The following QSOX2 variants were observed in gnomAD, a reference collection of about 807,000 sequenced individuals.
QSOX2 encodes sulfhydryl oxidase 2.
In QSOX2, 46 loss-of-function variants were observed where a neutral mutation model predicts 61.7. The ratio of observed to expected loss-of-function variants is 0.75; its 90% confidence interval spans 0.59 to 0.95. The LOEUF (loss-of-function observed/expected upper bound fraction) is 0.95. Ranked by LOEUF, QSOX2 falls within the 40% of genes least tolerant of loss-of-function variation. The probability of loss-of-function intolerance (pLI) is 0.00; values close to 1 mark genes in which losing one functional copy is unlikely to be tolerated. For missense variants in QSOX2, 879 were observed against 918.9 expected, an observed-to-expected ratio of 0.96 and a Z score of 0.56; for synonymous variants, 383 against 388.4, an observed-to-expected ratio of 0.99 and a Z score of 0.16.
At chr9:136,225,212 T>C (rs1013630350) in intron 2 of QSOX2, among the ~76,000 whole-genome samples, 6 of 152,248 alleles carry the variant, frequency 3.9e-5, no homozygotes, top group African/African-American at 4.8e-5. Context: ...CACCGCTCTC[T>C]GGGACTTGGT....
intron 9 of QSOX2, 94 bp from the exon 10 acceptor site, chr9:136,215,398 G>A: frequency 2.5e-6 from 2 of 811,710 alleles, no homozygotes; most frequent in South Asian, 3.8e-5. Flanking sequence ...TGGGGGGGGT[G>A]GATAATGGGG....
rs781834700 is a variant in QSOX2 at position 136,245,562 on chromosome 9, G to A, written c.242C>T (p.Ala81Val). The change falls in exon 1 of 12, where the codon GCG becomes GTG. Residue 81 changes from alanine (A) to valine (V), a missense_variant. Coordinates refer to ENST00000358701, the MANE Select transcript of QSOX2 (RefSeq NM_181701.4). Reference protein sequence around the residue: ...VRGATANSSAAWLVQFYSSWC... With the variant: ...VRGATANSSAVWLVQFYSSWC... ...CGACGAGTAGAACTGCACGAGCCACGCGGCCGAGCTGTTGGCGGTGGCCCC... is the reference window on the plus strand; with the variant it reads ...CGACGAGTAGAACTGCACGAGCCACACGGCCGAGCTGTTGGCGGTGGCCCC... 8.8e-6 allele frequency: 14 copies of A among 1,582,388 alleles called. No homozygotes were observed. The South Asian group carries it at 1.2e-4, about 14-fold the overall frequency.
chr9:136,232,518 C>T (rs559233575), intron 1 of QSOX2, among the ~76,000 whole-genome samples: 9 of 152,302 alleles, frequency 5.9e-5, no homozygotes, highest in African/African-American at 2.2e-4. Context: ...TTATCATTTA[C>T]TACCACAAAA....
chr9:136,241,127 C>T (rs1406911859), intron 1 of QSOX2, among the ~76,000 whole-genome samples: 1 of 152,178 alleles, frequency 6.6e-6, no homozygotes, highest in East Asian at 1.9e-4. Flanking sequence ...GCGGGGAGCC[C>T]GGCTGCTCCG....
chr9:136,212,655 G>A (rs992513197), intron 10 of QSOX2, among the ~76,000 whole-genome samples: 24 of 152,252 alleles, frequency 1.6e-4, no homozygotes, highest in African/African-American at 5.3e-4. Flanking sequence ...CTCTCCTGCC[G>A]GGAGGGCTCC....
intron 10 of QSOX2, 61 bp downstream of exon 10, chr9:136,215,093 C>T (rs139092860): frequency 1.4e-5 from 22 of 1,575,946 alleles, no homozygotes; most frequent in Admixed American, 9.3e-5. Context: ...TTGCACACAC[C>T]GGCTGGGTTA....
In QSOX2 at chr9:136,208,291, T is replaced by TGGAGGGTGCAGGGAGTGCCAAGGTGGG. The variant is rs71384066; in HGVS notation, c.*436_*437insCCCACCTTGGCACTCCCTGCACCCTCC. 1.5e-5 allele frequency: 1 copy of TGGAGGGTGCAGGGAGTGCCAAGGTGGG among 67,840 alleles called. No individual in the cohort carries two copies. Among genetic ancestry groups the TGGAGGGTGCAGGGAGTGCCAAGGTGGG allele is most frequent in the African/African-American group, 6.1e-5 (1 of 16,398 alleles). The allele number at this position is 67,840 out of a possible 1,614,324, so 4.2% of individuals were successfully genotyped here. A position where few individuals can be genotyped will look rare whatever the true frequency, so the allele number is the denominator to read the frequency against. On this transcript the variant is annotated 3_prime_UTR_variant, in exon 12 of 12. Transcript: ENST00000358701. ...GCGGGGGGAGGGGGAGCGAGGGGAG[T>TGGAGGGTGCAGGGAGTGCCAAGGTGGG]GGGGGGGAGCCAGGAGCCGCGGGGG...
rs557179318 is a variant in QSOX2 at position 136,210,372 on chromosome 9, G to C, written c.1549+892C>G. ...GTTGCAGTCTCATGACTGGGGTAGT[G>C]GGGGCACATGCGGGCTGGGGCCACA... On this transcript the variant is annotated intron_variant, in intron 11 of 11. Transcript: ENST00000358701. 3.0e-6 allele frequency: 3 copies of C among 985,356 alleles called. No homozygotes were observed. The African/African-American group carries it at 5.2e-5, about 17-fold the overall frequency. 61.0% of individuals were successfully genotyped at this position (985,356 alleles called of 1,614,324 possible). A position where few individuals can be genotyped will look rare whatever the true frequency, so the allele number is the denominator to read the frequency against.
intron 11 of QSOX2, chr9:136,210,009 G>A: frequency 3.0e-6 from 3 of 985,448 alleles, no homozygotes; most frequent in Non-Finnish European, 3.6e-6. Flanking sequence ...AGAAGTGAAT[G>A]TAAACACAAC....
At chr9:136,219,620 G>A (rs138994791) in intron 6 of QSOX2, among the ~76,000 whole-genome samples, 1,648 of 152,174 alleles carry the variant, frequency 0.011, 13 homozygotes, top group Middle Eastern at 0.027. Context: ...AGCTCCCTGC[G>A]TGCCCACCCT....
intron 11 of QSOX2, chr9:136,210,230 C>T: frequency 1.0e-6 from 1 of 985,488 alleles, no homozygotes; most frequent in Non-Finnish European, 1.2e-6. Context: ...GCAGAAGACC[C>T]CAGGCACATC....
Position 136,223,411 on chromosome 9 carries a change from GA to G in QSOX2, c.675+351del, listed in dbSNP as rs913054614. Among the ~76,000 whole-genome samples the G allele has an allele frequency of 4.6e-5, 7 of 152,150 alleles. No individual in the cohort carries two copies. The highest frequency in any genetic ancestry group is 3.4e-3 in the Middle Eastern group (1 of 294). On this transcript the variant is annotated intron_variant, in intron 5 of 11. Transcript: ENST00000358701. This position sits in a 1 kb window ranked among gnomAD's most constrained non-coding sequence, Gnocchi z 4.4. ...TGTTGAGAGTTCAGAATACGGCAAC[GA>G]AAAAAATCTTAGTAATAATGCATAC...
rs1388146537 is a variant in QSOX2, at chr9:136,209,107, G to GC, written c.1717dup (p.Ala573GlyfsTer8). On this transcript the variant is annotated frameshift_variant, in exon 12 of 12. Transcript: ENST00000358701. LOFTEE classifies it low-confidence loss of function (END_TRUNC). This position sits in a 1 kb window ranked among gnomAD's most constrained non-coding sequence, Gnocchi z 5.6. ...TCCTTCACTGGAATCCCCCTGGTCTGCGGAATACGTGTCTAAGAGGTTGTC... is the reference window on the plus strand; with the variant it reads ...TCCTTCACTGGAATCCCCCTGGTCTGCCGGAATACGTGTCTAAGAGGTTGTC... 6 of 1,614,038 alleles carry GC rather than the reference G, an allele frequency of 3.7e-6. No homozygotes were observed. The highest frequency in any genetic ancestry group is 5.1e-6 in the Non-Finnish European group (6 of 1,180,032).
rs888955335 is a variant in QSOX2, at chr9:136,224,234, G to C, written c.479-122C>G. On this transcript the variant is annotated intron_variant, in intron 3 of 11. Coordinates refer to ENST00000358701, the MANE Select transcript of QSOX2 (RefSeq NM_181701.4). ...CAAAGACAGCAGGGTGCAGGTGGCA[G>C]CAACATGTGCAATCCCAATGGGTGT... 13 of 694,394 alleles carry C rather than the reference G, an allele frequency of 1.9e-5. No homozygotes were observed. The African/African-American group carries it at 1.9e-4, about 10-fold the overall frequency. The allele number at this position is 694,394 out of a possible 1,614,324, so 43.0% of individuals were successfully genotyped here.
chr9:136,215,623 T>C (rs1008493459), intron 9 of QSOX2, among the ~76,000 whole-genome samples: 1 of 152,354 alleles, frequency 6.6e-6, no homozygotes, highest in Non-Finnish European at 1.5e-5. Flanking sequence ...TTAGAATTAG[T>C]TGTAAGGACA....
In QSOX2 at chr9:136,215,267, A is replaced by G; in HGVS notation, c.1247T>C (p.Val416Ala). ...CTCAGATCGGCTTCCTTGACATCCA[A>G]CCCACTTTATGTGATTAGTAAGGAA... ...GIFLTNHIKW[V>A]GCQGSRSELR... is the part of the protein sequence containing the mutation. Residue 416 changes from valine to alanine, a missense_variant, in exon 10 of 12, where the codon GTT becomes GCT. Val to Ala is a moderately conservative substitution (Grantham distance 64). Coordinates refer to ENST00000358701, the MANE Select transcript of QSOX2 (RefSeq NM_181701.4). 6.2e-7 allele frequency: 1 copy of G among 1,613,926 alleles called. No individual in the cohort carries two copies.
At position 136,223,411 on chromosome 9, in the gene QSOX2, G is replaced by A. The variant is rs1332302631; in HGVS notation, c.675+352C>T. On this transcript the variant is annotated intron_variant, in intron 5 of 11. Coordinates refer to ENST00000358701, the MANE Select transcript of QSOX2 (RefSeq NM_181701.4). The surrounding 1 kb of genome is among the most constrained non-coding windows in gnomAD (Gnocchi z 4.4). Reference sequence around the variant, plus strand: ...TGTTGAGAGTTCAGAATACGGCAACGAAAAAAATCTTAGTAATAATGCATA... The same window carrying A: ...TGTTGAGAGTTCAGAATACGGCAACAAAAAAAATCTTAGTAATAATGCATA... 6.6e-6 allele frequency among the ~76,000 whole-genome samples: 1 copy of A among 152,150 alleles called. No homozygotes were observed. The highest frequency in any genetic ancestry group is 1.9e-4 in the East Asian group (1 of 5,188).
intron 11 of QSOX2, chr9:136,210,328 G>A: frequency 1.0e-6 from 1 of 985,494 alleles, no homozygotes; most frequent in Non-Finnish European, 1.2e-6. Context: ...AATCACACTG[G>A]GCTGTAAGGC....
In QSOX2 at chr9:136,215,049, C is replaced by G. The variant is rs146708116; in HGVS notation, c.1360+105G>C. The G allele has an allele frequency of 8.9e-6, 12 of 1,353,498 alleles. No individual in the cohort carries two copies. The East Asian group carries it at 3.0e-4, about 34-fold the overall frequency. 83.8% of individuals were successfully genotyped at this position (1,353,498 alleles called of 1,614,324 possible). On this transcript the variant is annotated intron_variant, in intron 10 of 11. Coordinates refer to ENST00000358701, the MANE Select transcript of QSOX2 (RefSeq NM_181701.4). ...CCATTCCCCTGCCTCAGTGGCCTGGCGACATGCTGCCTCCCATACAGCAGT... is the reference window on the plus strand; with the variant it reads ...CCATTCCCCTGCCTCAGTGGCCTGGGGACATGCTGCCTCCCATACAGCAGT...
Sources: gnomAD v4.1 joint callset for allele counts (sites outside exome capture counted in the v4.1 genomes callset) on GRCh38, gnomAD v4.1.1 for gene constraint, Gnocchi (gnomAD v3.1) non-coding constraint, MANE v1.5 for transcripts, NCBI Gene and HGNC (gene_info 2026-07-23, HGNC 2026-07-21) for gene names.